The following CADM2 variants were observed in gnomAD, a reference collection of about 807,000 sequenced individuals.
CADM2 encodes the protein immunoglobulin superfamily member 4D.
Under a neutral mutation model 49.8 loss-of-function variants are expected in CADM2, and 12 were observed. The observed-to-expected ratio is 0.24, with a 90% CI of 0.15 to 0.39. CADM2 has a LOEUF of 0.39. Among genes scored for constraint, CADM2 ranks in the 10% least tolerant of loss-of-function variants. The probability of loss-of-function intolerance (pLI) is 1.00; values close to 1 mark genes in which losing one functional copy is unlikely to be tolerated. For synonymous variants in CADM2, 214 were observed against 175.4 expected (o/e 1.22, Z -1.74); for missense variants, 378 against 492.3 (o/e 0.77, Z 2.20).
intron 8 of CADM2, among the ~76,000 whole-genome samples, chr3:85,965,963 GA>G (rs1413872331): frequency 6.6e-6 from 1 of 151,616 alleles, no homozygotes; most frequent in Admixed American, 6.6e-5. Flanking sequence ...AACATCTACG[GA>G]AAGTGAGAAA....
chr3:85,502,389 A>T (rs74799680), intron 1 of CADM2, among the ~76,000 whole-genome samples: 12,207 of 152,072 alleles, frequency 0.08, 951 homozygotes, highest in African/African-American at 0.18. Context: ...GGCTACTCTT[A>T]AGGAGGAAAA....
At chr3:85,620,626 A>G (rs1005590537) in intron 1 of CADM2, among the ~76,000 whole-genome samples, 12 of 152,242 alleles carry the variant, frequency 7.9e-5, no homozygotes, top group Admixed American at 7.9e-4. Context: ...TATTTTTAAA[A>G]AATCATCAAA....
At chr3:85,650,163 C>A (rs2065001689) in intron 1 of CADM2, among the ~76,000 whole-genome samples, 1 of 152,098 alleles carries the variant, frequency 6.6e-6, no homozygotes, top group African/African-American at 2.4e-5. Flanking sequence ...ACGTTCTCAG[C>A]CGGCAGCTCT....
In CADM2 at chr3:86,070,076, T is replaced by TAAA. The variant is rs1553734479; in HGVS notation, c.*3294_*3295insAAA. On this transcript the variant is annotated 3_prime_UTR_variant, in exon 10 of 10. Transcript: ENST00000383699. ...CCAAGAAGCAGTTTAAGGAACCTGA[T>TAAA]ATTGGAGTTTAATCTAGAAACTGGA... The TAAA allele has an allele frequency of 4.6e-5, 7 of 152,128 alleles. No homozygotes were observed. In the South Asian group the frequency reaches 1.2e-3, roughly 27 times the overall value. The allele number at this position is 152,128 out of a possible 1,614,324, so 9.4% of individuals were successfully genotyped here. A position where few individuals can be genotyped will look rare whatever the true frequency, so the allele number is the denominator to read the frequency against.
At chr3:85,511,890 T>C (rs1311747644) in intron 1 of CADM2, 1 of 980,970 alleles carries the variant, frequency 1.0e-6, no homozygotes, top group Non-Finnish European at 1.2e-6. Flanking sequence ...GTAATCAGAC[T>C]GCATCAAGGT....
intron 5 of CADM2, among the ~76,000 whole-genome samples, chr3:85,910,964 A>G (rs1047955130): frequency 6.6e-6 from 1 of 152,118 alleles, no homozygotes; most frequent in Non-Finnish European, 1.5e-5. Context: ...ACTATTTTAA[A>G]AGCCCAATCT....
intron 1 of CADM2, among the ~76,000 whole-genome samples, chr3:85,543,425 T>TGTGGGGGTGTGTGTGTGTGTGGGG (rs1280522289): frequency 8.2e-6 from 1 of 122,230 alleles, no homozygotes; most frequent in African/African-American, 2.6e-5. Flanking sequence ...AGCTAATGTG[T>TGTGGGGGTGTGTGTGTGTGTGGGG]GTGTGTGTGT....
chr3:85,180,296 G>A (rs2040897864), intron 1 of CADM2, among the ~76,000 whole-genome samples: 1 of 151,740 alleles, frequency 6.6e-6, no homozygotes, highest in South Asian at 2.1e-4. Context: ...ATCCCTTGAG[G>A]TCAGGAGTTT....
chr3:85,657,594 T>G (rs1425468351), intron 1 of CADM2, among the ~76,000 whole-genome samples: 4 of 151,200 alleles, frequency 2.6e-5, no homozygotes, highest in Non-Finnish European at 5.9e-5. Context: ...ATGGATATTT[T>G]CATTATTACA....
intron 1 of CADM2, among the ~76,000 whole-genome samples, chr3:85,189,062 A>AAAAT (rs67058834): frequency 0.38 from 55,349 of 145,412 alleles, 12,201 homozygotes; most frequent in Non-Finnish European, 0.49. Context: ...ATAAATAAAT[A>AAAAT]AAATAAATAA....
rs528762130 is a variant in CADM2 at position 86,063,656 on chromosome 3, C to CT, written c.971-1941dup. On this transcript the variant is annotated intron_variant, in intron 8 of 9. Coordinates refer to ENST00000383699, the MANE Select transcript of CADM2 (RefSeq NM_001167675.2). ...TTGTTTGAAGTTTCAAACAGTCAGACTTTTTTTTCTATCTAGACATATGAT... is the reference window on the plus strand; with the variant it reads ...TTGTTTGAAGTTTCAAACAGTCAGACTTTTTTTTTCTATCTAGACATATGAT... Among the ~76,000 whole-genome samples, 16 of 152,046 alleles carry CT rather than the reference C, an allele frequency of 1.1e-4. No individual in the cohort carries two copies. In the South Asian group the frequency reaches 3.3e-3, roughly 32 times the overall value.
chr3:85,426,377 C>T (rs187186549), intron 1 of CADM2, among the ~76,000 whole-genome samples: 1 of 152,128 alleles, frequency 6.6e-6, no homozygotes, highest in East Asian at 1.9e-4. Context: ...AGAGACCCTA[C>T]TGCCTCTGCC....
At chr3:85,888,222 C>A (rs1279467544) in intron 5 of CADM2, among the ~76,000 whole-genome samples, 1 of 152,068 alleles carries the variant, frequency 6.6e-6, no homozygotes, top group Non-Finnish European at 1.5e-5. Flanking sequence ...ATATTAAGTA[C>A]CTCATTAATA....
At chr3:85,281,651 A>G (rs2043501954) in intron 1 of CADM2, among the ~76,000 whole-genome samples, 1 of 152,104 alleles carries the variant, frequency 6.6e-6, no homozygotes. Flanking sequence ...CAAAGAGTTC[A>G]CTAAATAGAT....
At chr3:84,995,334 C>T (rs2033119564) in intron 1 of CADM2, among the ~76,000 whole-genome samples, 1 of 152,192 alleles carries the variant, frequency 6.6e-6, no homozygotes, top group Non-Finnish European at 1.5e-5. Flanking sequence ...TTGCAACTAA[C>T]TCAGTCCACC....
chr3:85,437,354 T>C (rs1436798126), intron 1 of CADM2, among the ~76,000 whole-genome samples: 2 of 152,182 alleles, frequency 1.3e-5, no homozygotes, highest in Non-Finnish European at 1.5e-5. Flanking sequence ...TTTTAACTCC[T>C]TTGGGTAAAT....
At chr3:85,367,380 A>G (rs2032863433) in intron 1 of CADM2, among the ~76,000 whole-genome samples, 1 of 151,922 alleles carries the variant, frequency 6.6e-6, no homozygotes, top group African/African-American at 2.4e-5. Flanking sequence ...TTACTTAGAA[A>G]TGCAATAATA....
intron 8 of CADM2, among the ~76,000 whole-genome samples, chr3:86,008,994 A>G (rs2106887945): frequency 6.6e-6 from 1 of 151,370 alleles, no homozygotes; most frequent in African/African-American, 2.4e-5. Flanking sequence ...TTGGCAGTGT[A>G]GCTCTCGCTG....
At chr3:85,830,929 TC>T (rs1236674417) in intron 3 of CADM2, among the ~76,000 whole-genome samples, 1 of 151,586 alleles carries the variant, frequency 6.6e-6, no homozygotes, top group East Asian at 2.0e-4. Flanking sequence ...TTACAAATGA[TC>T]CCATCTCCCA....
Sources: allele counts gnomAD v4.1 joint callset (sites outside exome capture counted in the v4.1 genomes callset), GRCh38; gene constraint gnomAD v4.1.1; transcripts MANE v1.5; gene names NCBI Gene and HGNC (gene_info 2026-07-23, HGNC 2026-07-21).